The following NREP variants were observed in gnomAD, a reference collection of about 807,000 sequenced individuals.
The protein encoded by NREP is neuronal regeneration-related protein.
In NREP, 5 loss-of-function variants were observed where a neutral mutation model predicts 8.6. The ratio of observed to expected loss-of-function variants is 0.58; its 90% CI spans 0.30 to 1.22. The LOEUF is 1.22. Ranked by LOEUF, NREP falls within the 50% of genes most tolerant of loss-of-function variation. The probability of loss-of-function intolerance (pLI) is 0.07; values close to 1 mark genes in which losing one functional copy is unlikely to be tolerated. For missense variants in NREP, 86 were observed against 82.5 expected (o/e 1.04, Z -0.17); for synonymous variants, 27 against 28.0 (o/e 0.96, Z 0.11).
chr5:111,926,518 G>A (rs1023758721), intron 2 of NREP, among the ~76,000 whole-genome samples: 1 of 151,922 alleles, frequency 6.6e-6, no homozygotes, highest in Non-Finnish European at 1.5e-5. Context: ...TCTAATTGTT[G>A]GATAATATTA....
intron 2 of NREP, among the ~76,000 whole-genome samples, chr5:111,944,143 C>G (rs1755911064): frequency 6.6e-6 from 1 of 152,004 alleles, no homozygotes; most frequent in Non-Finnish European, 1.5e-5. Flanking sequence ...TGAGGGATGC[C>G]TACATGACAT....
intron 2 of NREP, among the ~76,000 whole-genome samples, chr5:111,900,078 A>T (rs1017768188): frequency 2.0e-5 from 3 of 152,160 alleles, no homozygotes; most frequent in Admixed American, 6.5e-5. Context: ...TTTAAAATTT[A>T]AAATTATATA....
intron 2 of NREP, among the ~76,000 whole-genome samples, chr5:111,818,142 G>C (rs1331838513): frequency 6.6e-6 from 1 of 152,036 alleles, no homozygotes; most frequent in African/African-American, 2.4e-5. Context: ...CAATTTTGTA[G>C]AAAAACATTA....
intron 2 of NREP, among the ~76,000 whole-genome samples, chr5:111,907,829 T>C (rs1161151782): frequency 6.6e-6 from 1 of 152,028 alleles, no homozygotes; most frequent in Non-Finnish European, 1.5e-5. Flanking sequence ...GGATGAAGTG[T>C]TCCTCTCAAG....
intron 2 of NREP, among the ~76,000 whole-genome samples, chr5:111,877,776 T>A (rs759245609): frequency 6.6e-6 from 1 of 152,128 alleles, no homozygotes; most frequent in South Asian, 2.1e-4. Context: ...GGTTTTACAG[T>A]TGAAGACTCT....
At chr5:111,875,452 G>T (rs1401796874) in intron 2 of NREP, among the ~76,000 whole-genome samples, 2 of 151,968 alleles carry the variant, frequency 1.3e-5, no homozygotes, top group Non-Finnish European at 2.9e-5. Flanking sequence ...GGATAACATA[G>T]AAATCTTATT....
At chr5:111,892,361 T>C (rs1252312577) in intron 2 of NREP, among the ~76,000 whole-genome samples, 2 of 152,210 alleles carry the variant, frequency 1.3e-5, no homozygotes, top group African/African-American at 2.4e-5. Flanking sequence ...AAACATTAAA[T>C]GGAAAATGGG....
intron 2 of NREP, among the ~76,000 whole-genome samples, chr5:111,786,406 T>C (rs886910573): frequency 6.6e-6 from 1 of 152,226 alleles, no homozygotes; most frequent in Admixed American, 6.5e-5. Context: ...TACAGTGTTC[T>C]TATATTAGTT....
chr5:111,886,488 C>A (rs986195533), intron 2 of NREP, among the ~76,000 whole-genome samples: 1 of 151,922 alleles, frequency 6.6e-6, no homozygotes, highest in African/African-American at 2.4e-5. Flanking sequence ...ACCCAAAGGA[C>A]TATAAATCAT....
chr5:111,832,954 C>T (rs1752809036), intron 2 of NREP, among the ~76,000 whole-genome samples: 1 of 152,166 alleles, frequency 6.6e-6, no homozygotes, highest in Admixed American at 6.5e-5. Flanking sequence ...GCTTGGAGGC[C>T]ACATTGGAAG....
intron 2 of NREP, among the ~76,000 whole-genome samples, chr5:111,927,921 C>G (rs1447561622): frequency 2.0e-5 from 3 of 152,176 alleles, no homozygotes; most frequent in Non-Finnish European, 2.9e-5. Context: ...CCACCTCACT[C>G]TCTTTTTGGT....
chr5:111,906,517 A>C (rs1405268647), intron 2 of NREP, among the ~76,000 whole-genome samples: 1 of 152,098 alleles, frequency 6.6e-6, no homozygotes, highest in African/African-American at 2.4e-5. Context: ...GCTATGCTTT[A>C]ATGCTAGTGT....
intron 2 of NREP, among the ~76,000 whole-genome samples, chr5:111,972,979 G>A (rs910682708): frequency 4.6e-5 from 7 of 152,158 alleles, no homozygotes; most frequent in Admixed American, 6.5e-5. Flanking sequence ...AATCAAGTAC[G>A]GGGCCCCTTC....
upstream of NREP, among the ~76,000 whole-genome samples, chr5:111,759,030 T>C (rs755545962): frequency 3.9e-5 from 6 of 152,172 alleles, no homozygotes; most frequent in Admixed American, 6.5e-5. Context: ...GGAAGAAATA[T>C]AAAACTCAAC....
intron 2 of NREP, among the ~76,000 whole-genome samples, chr5:111,814,735 G>C (rs1019319268): frequency 2.6e-5 from 4 of 151,998 alleles, no homozygotes; most frequent in Non-Finnish European, 4.4e-5. Context: ...AAAGAGACTT[G>C]GGAAGGCTAA....
intron 1 of NREP, among the ~76,000 whole-genome samples, chr5:111,976,445 C>A (rs913946615): frequency 6.6e-6 from 1 of 152,236 alleles, no homozygotes; most frequent in South Asian, 2.1e-4. Context: ...TCCTTGGAAG[C>A]AGGAACCTCC....
At chr5:111,910,549 A>G (rs572561058) in intron 2 of NREP, among the ~76,000 whole-genome samples, 1 of 152,210 alleles carries the variant, frequency 6.6e-6, no homozygotes, top group South Asian at 2.1e-4. Flanking sequence ...AAAATTATAT[A>G]TTGTATGTAA....
chr5:111,946,074 T>TCACACACA (rs72097994), intron 2 of NREP, among the ~76,000 whole-genome samples: 2,432 of 126,870 alleles, frequency 0.019, 66 homozygotes, highest in African/African-American at 0.063. Context: ...GAGATTTTGA[T>TCACACACA]CACACACACA....
chr5:111,799,201 T>G (rs971903033), intron 2 of NREP, among the ~76,000 whole-genome samples: 1 of 152,222 alleles, frequency 6.6e-6, no homozygotes, highest in African/African-American at 2.4e-5. Flanking sequence ...TTGGGTAATG[T>G]GATGCCTCCA....
Sources: gnomAD v4.1 joint callset for allele counts (sites outside exome capture counted in the v4.1 genomes callset) on GRCh38, gnomAD v4.1.1 for gene constraint, MANE v1.5 for transcripts, NCBI Gene and HGNC (gene_info 2026-07-23, HGNC 2026-07-21) for gene names.